Variants in PCGF5 observed in about 807,000 individuals in gnomAD.
The protein encoded by PCGF5 is polycomb group RING finger protein 5.
PCGF5 carries 9 observed loss-of-function variants against 44.3 expected under a neutral mutation model. The observed-to-expected ratio is 0.20, with a 90% CI of 0.12 to 0.35. The LOEUF (loss-of-function observed/expected upper bound fraction) is 0.35. Ranked by LOEUF, PCGF5 falls within the 10% of genes least tolerant of loss-of-function variation. The pLI is 1.00. For synonymous variants in PCGF5, 95 were observed against 102.5 expected (o/e 0.93, Z 0.44); for missense variants, 146 against 305.3 (o/e 0.48, Z 3.89).
upstream of PCGF5, among the ~76,000 whole-genome samples, chr10:91,158,523 G>A (rs1241703905): frequency 6.6e-6 from 1 of 152,188 alleles, no homozygotes; most frequent in Admixed American, 6.5e-5. Context: ...TCCAGATATT[G>A]AGCTAGGTTC....
At position 91,222,801 on chromosome 10, in the gene PCGF5, G is replaced by A; in HGVS notation, c.-71G>A. The A allele has an allele frequency of 1.2e-6, 1 of 854,576 alleles. No individual in the cohort carries two copies. The highest frequency in any genetic ancestry group is 1.5e-5 in the South Asian group (1 of 67,106). The allele number at this position is 854,576 out of a possible 1,614,324, so 52.9% of individuals were successfully genotyped here. A position where few individuals can be genotyped will look rare whatever the true frequency, so the allele number is the denominator to read the frequency against. ...TACTGGGAACGACACACCAGCTCCTGGGATCAGACTTTCATCTACTTAGGA... is the reference window on the plus strand; with the variant it reads ...TACTGGGAACGACACACCAGCTCCTAGGATCAGACTTTCATCTACTTAGGA... On this transcript the variant is annotated 5_prime_UTR_variant, in exon 2 of 10. Coordinates refer to ENST00000336126, the MANE Select transcript of PCGF5 (RefSeq NM_032373.5).
At chr10:91,188,322 A>G (rs1843964168) in intron 1 of PCGF5, among the ~76,000 whole-genome samples, 1 of 152,204 alleles carries the variant, frequency 6.6e-6, no homozygotes, top group African/African-American at 2.4e-5. Flanking sequence ...GGGGTGACAG[A>G]CAGTACCTGG....
intron 5 of PCGF5, among the ~76,000 whole-genome samples, chr10:91,250,837 A>G (rs992262766): frequency 6.6e-6 from 1 of 151,774 alleles, no homozygotes; most frequent in African/African-American, 2.4e-5. Context: ...ATGAATAGTA[A>G]TTTGAAATTT....
chr10:91,255,289 G>T (rs1213533586), intron 6 of PCGF5, among the ~76,000 whole-genome samples: 1 of 152,068 alleles, frequency 6.6e-6, no homozygotes, highest in South Asian at 2.1e-4. Flanking sequence ...AAGCTTAAAT[G>T]GAAAAGCTGG....
chr10:91,236,286 C>T (rs1004625262), intron 2 of PCGF5, among the ~76,000 whole-genome samples: 2 of 152,154 alleles, frequency 1.3e-5, no homozygotes, highest in Non-Finnish European at 2.9e-5. Flanking sequence ...CTACATTCCT[C>T]ACTTGCCCAG....
intron 1 of PCGF5, among the ~76,000 whole-genome samples, chr10:91,168,689 G>A (rs1020366606): frequency 6.6e-6 from 1 of 152,046 alleles, no homozygotes; most frequent in Non-Finnish European, 1.5e-5. Flanking sequence ...AGCACTTTGG[G>A]AGGCCGAGGT....
chr10:91,177,145 G>A (rs2133181946), intron 1 of PCGF5, among the ~76,000 whole-genome samples: 1 of 152,342 alleles, frequency 6.6e-6, no homozygotes, highest in East Asian at 1.9e-4. Flanking sequence ...TCAGCTGCAG[G>A]TCTGTTGGAG....
At chr10:91,275,145 TTAA>T (rs200207751) in intron 9 of PCGF5, among the ~76,000 whole-genome samples, 26 of 152,218 alleles carry the variant, frequency 1.7e-4, no homozygotes, top group East Asian at 1.2e-3. Flanking sequence ...AGAAAAAGGT[TTAA>T]TGTTATTAAT....
chr10:91,224,719 T>G (rs2133287257), intron 2 of PCGF5, among the ~76,000 whole-genome samples: 1 of 152,184 alleles, frequency 6.6e-6, no homozygotes, highest in East Asian at 1.9e-4. Context: ...CTTGGCCAGT[T>G]TAAGGAATAG....
chr10:91,267,892 T>TGTG (rs1305690610), intron 8 of PCGF5, among the ~76,000 whole-genome samples: 3 of 152,196 alleles, frequency 2.0e-5, no homozygotes, highest in Admixed American at 6.6e-5. Context: ...ATGACCACTA[T>TGTG]GTGGTTCTTT....
chr10:91,238,610 T>TCTTTCTTTC (rs1564645024), intron 2 of PCGF5, among the ~76,000 whole-genome samples: 1 of 128,736 alleles, frequency 7.8e-6, no homozygotes, highest in South Asian at 2.7e-4. Flanking sequence ...TCTTTTTTTT[T>TCTTTCTTTC]TTTTTTTTTT....
chr10:91,173,011 T>A (rs1843637454), intron 1 of PCGF5, among the ~76,000 whole-genome samples: 2 of 152,240 alleles, frequency 1.3e-5, no homozygotes, highest in African/African-American at 4.8e-5. Flanking sequence ...CTATTTGTGA[T>A]CTTACTAATC....
chr10:91,209,765 AGAAAAAAAAAG>A lies in PCGF5; in HGVS notation c.-183-12923_-183-12913del, dbSNP rs1564634135. Among the ~76,000 whole-genome samples, 4 of 113,350 alleles carry A rather than the reference AGAAAAAAAAAG, an allele frequency of 3.5e-5. 2 individuals carry two copies. Among genetic ancestry groups the A allele is most frequent in the Non-Finnish European group, 7.6e-5 (4 of 52,772 alleles). 74.4% of individuals were successfully genotyped at this position (113,350 alleles called of 152,430 possible). A position where few individuals can be genotyped will look rare whatever the true frequency, so the allele number is the denominator to read the frequency against. On this transcript the variant is annotated intron_variant, in intron 1 of 9. Coordinates refer to the PCGF5 transcript ENST00000614189. ...GCAACAGAGCGAGACTCCGTCTCGA[AGAAAAAAAAAG>A]AAAAAAAAAAAAAAAAAAAGAAAAA...
chr10:91,196,519 T>C (rs1022841542), intron 1 of PCGF5, among the ~76,000 whole-genome samples: 9 of 152,196 alleles, frequency 5.9e-5, no homozygotes, highest in African/African-American at 2.2e-4. Context: ...TTTCCATGGC[T>C]TCACAGTCAT....
At chr10:91,211,436 C>T (rs1006094032) in intron 1 of PCGF5, among the ~76,000 whole-genome samples, 1 of 152,178 alleles carries the variant, frequency 6.6e-6, no homozygotes, top group African/African-American at 2.4e-5. Flanking sequence ...ATTTATCCAG[C>T]ATTTGTTGAA....
intron 2 of PCGF5, among the ~76,000 whole-genome samples, chr10:91,224,152 C>T (rs1009779441): frequency 6.6e-6 from 1 of 152,172 alleles, no homozygotes; most frequent in African/African-American, 2.4e-5. Context: ...TTTAAGCATA[C>T]GCATGCTCAG....
At chr10:91,219,396 T>C (rs1844608783), upstream of PCGF5, among the ~76,000 whole-genome samples, 1 of 152,252 alleles carries the variant, frequency 6.6e-6, no homozygotes, top group South Asian at 2.1e-4. Context: ...CAAGTCTTTT[T>C]TATATATTGT....
intron 9 of PCGF5, among the ~76,000 whole-genome samples, chr10:91,272,780 C>G (rs1846211404): frequency 6.6e-6 from 1 of 152,024 alleles, no homozygotes; most frequent in African/African-American, 2.4e-5. Context: ...TTCAGACAAA[C>G]AAATAAATAA....
intron 1 of PCGF5, among the ~76,000 whole-genome samples, chr10:91,221,447 G>A (rs1049544829): frequency 6.6e-6 from 1 of 152,156 alleles, no homozygotes; most frequent in Non-Finnish European, 1.5e-5. Flanking sequence ...AGGGGTAAGG[G>A]CCAGAACCCT....
Sources: gnomAD v4.1 joint callset for allele counts (sites outside exome capture counted in the v4.1 genomes callset) on GRCh38, gnomAD v4.1.1 for gene constraint, MANE v1.5 for transcripts, NCBI Gene and HGNC (gene_info 2026-07-23, HGNC 2026-07-21) for gene names.